Variants in MLKL observed in about 807,000 individuals in gnomAD.
MLKL encodes mixed lineage kinase domain like pseudokinase.
In MLKL, 55 loss-of-function variants were observed where a neutral mutation model predicts 56.5. The observed-to-expected ratio is 0.97, with a 90% CI of 0.78 to 1.22. The LOEUF (loss-of-function observed/expected upper bound fraction) is 1.22, where lower values mean the gene tolerates loss of function less well. Ranked by LOEUF, MLKL falls within the 50% of genes most tolerant of loss-of-function variation. The pLI, the probability that MLKL is intolerant of heterozygous loss-of-function variation, is 0.00. For missense variants in MLKL, 694 were observed against 573.9 expected (o/e 1.21, Z -2.14); for synonymous variants, 251 against 208.3 (o/e 1.20, Z -1.76).
chr16:74,685,469 C>T lies in MLKL; in HGVS notation c.820+17G>A, dbSNP rs1332347333. On this transcript the variant is annotated intron_variant, in intron 5 of 10. Coordinates refer to ENST00000308807, the MANE Select transcript of MLKL (RefSeq NM_152649.4). Reference sequence around the variant, plus strand: ...TAGGCCATCCAAAGCTTGACCAATCCTAGAAGCATTCCTTACCTGTTTCAT... The same window carrying T: ...TAGGCCATCCAAAGCTTGACCAATCTTAGAAGCATTCCTTACCTGTTTCAT... 6.2e-7 allele frequency: 1 copy of T among 1,602,198 alleles called. No individual in the cohort carries two copies. The highest frequency in any genetic ancestry group is 8.5e-7 in the Non-Finnish European group (1 of 1,169,700).
chr16:74,682,649 ACCGGT>A lies in MLKL; in HGVS notation c.953_956+1del. 6.2e-7 allele frequency: 1 copy of A among 1,613,886 alleles called. No individual in the cohort carries two copies. Among genetic ancestry groups the A allele is most frequent in the African/African-American group, 1.3e-5 (1 of 75,024 alleles). Reference sequence around the variant, plus strand: ...TAGTGGCGCCTTTTCACCCCGTCTTACCGGTATAGGCCTCGGGCTGCCCCCAGGAC... The same window carrying A: ...TAGTGGCGCCTTTTCACCCCGTCTTAATAGGCCTCGGGCTGCCCCCAGGAC... On this transcript the variant is annotated splice_donor_variant and coding_sequence_variant, in exon 6 of 11. Coordinates refer to ENST00000308807, the MANE Select transcript of MLKL (RefSeq NM_152649.4). LOFTEE classifies it high-confidence loss of function.
At position 74,686,907 on chromosome 16, in the gene MLKL, T is replaced by C. The variant is rs1421834564; in HGVS notation, c.723-1324A>G. Among the ~76,000 whole-genome samples the C allele has an allele frequency of 2.0e-5, 3 of 152,346 alleles. No homozygotes were observed. The East Asian group carries it at 5.8e-4, about 29-fold the overall frequency. On this transcript the variant is annotated intron_variant, in intron 4 of 10. Transcript: ENST00000308807. ...AGAGAATAAAATACTTAGGAATAAA[T>C]TTACAAAAGAAGTGCAAGTCTCACC...
At chr16:74,693,627 C>T (rs1208131072) in intron 2 of MLKL, among the ~76,000 whole-genome samples, 4 of 129,548 alleles carry the variant, frequency 3.1e-5, no homozygotes, top group South Asian at 4.9e-4. Flanking sequence ...TTTTTTGAGA[C>T]GGAATCTCTC....
At position 74,695,395 on chromosome 16, in the gene MLKL, G is replaced by C; in HGVS notation, c.363C>G (p.Arg121=). The change falls in exon 2 of 11, where the codon CGC becomes CGG. Residue 121 remains arginine, a synonymous_variant. Coordinates refer to ENST00000308807, the MANE Select transcript of MLKL (RefSeq NM_152649.4). Reference sequence around the variant, plus strand: ...CTTGGCTTATGGGTGAAACAGGCATGCGTTGCTCAACCTGAAGTAACAGCG... The same window carrying C: ...CTTGGCTTATGGGTGAAACAGGCATCCGTTGCTCAACCTGAAGTAACAGCG... ...ELSLLLQVEQ[R]MPVSPISQGA... The C allele has an allele frequency of 6.2e-7, 1 of 1,614,224 alleles. No individual in the cohort carries two copies. The highest frequency in any genetic ancestry group is 8.5e-7 in the Non-Finnish European group (1 of 1,180,038).
At chr16:74,689,511 C>G (rs967568752) in intron 4 of MLKL, among the ~76,000 whole-genome samples, 29 of 152,286 alleles carry the variant, frequency 1.9e-4, no homozygotes, top group African/African-American at 6.5e-4. Context: ...AAAATACAGT[C>G]TCAATGAAAA....
intron 5 of MLKL, among the ~76,000 whole-genome samples, chr16:74,683,840 C>T (rs921038435): frequency 3.3e-5 from 5 of 152,120 alleles, no homozygotes; most frequent in African/African-American, 9.7e-5. Flanking sequence ...GACAAGAAGT[C>T]GACTTCCCCA....
chr16:74,690,634 T>A (rs1429956590), intron 4 of MLKL, among the ~76,000 whole-genome samples: 1 of 151,672 alleles, frequency 6.6e-6, no homozygotes, highest in Non-Finnish European at 1.5e-5. Context: ...ATTTAAATAT[T>A]AGACAAGAAT....
chr16:74,673,474 T>C (rs781104571), intron 10 of MLKL, among the ~76,000 whole-genome samples: 4 of 152,134 alleles, frequency 2.6e-5, no homozygotes, highest in Non-Finnish European at 4.4e-5. Flanking sequence ...TGCCTCAGCC[T>C]CCCAAAGTGC....
chr16:74,682,568 C>T, intron 6 of MLKL, 83 bp downstream of exon 6: 1 of 1,558,144 alleles, frequency 6.4e-7, no homozygotes, highest in East Asian at 2.3e-5. Context: ...GGCGTCTGGC[C>T]TGTTCTCTCA....
intron 10 of MLKL, among the ~76,000 whole-genome samples, chr16:74,674,089 T>C (rs1279131897): frequency 2.0e-5 from 3 of 152,040 alleles, no homozygotes; most frequent in Non-Finnish European, 2.9e-5. Flanking sequence ...ACTATTGACA[T>C]TGGGGCTGCC....
intron 4 of MLKL, among the ~76,000 whole-genome samples, chr16:74,690,988 A>G (rs1337962846): frequency 6.6e-6 from 1 of 151,894 alleles, no homozygotes; most frequent in Non-Finnish European, 1.5e-5. Flanking sequence ...TACAAACAAA[A>G]CACACTAGAA....
At position 74,678,915 on chromosome 16, in the gene MLKL, T is replaced by A; in HGVS notation, c.1022A>T (p.Gln341Leu). The change falls in exon 7 of 11, where the codon CAA (glutamine) becomes CTA (leucine). Residue 341 changes from glutamine (Q) to leucine (L), a missense_variant. By Grantham distance (113) the Gln-to-Leu change is moderately radical. Transcript: ENST00000308807. ...CACACTCACCTTCACTTGGTAGCCT[T>A]GAGTTACCAGGAAGTTTGAGCTTCT... Reference protein sequence around the residue: ...KIRSSNFLVTQGYQVKLAGFE... With the variant: ...KIRSSNFLVTLGYQVKLAGFE... The A allele has an allele frequency of 6.2e-7, 1 of 1,612,558 alleles. No individual in the cohort carries two copies. Among genetic ancestry groups the A allele is most frequent in the Non-Finnish European group, 8.5e-7 (1 of 1,178,610 alleles).
rs752141168 is a variant in MLKL, at chr16:74,674,959, C to T, written c.1381+1G>A. On this transcript the variant is annotated splice_donor_variant, in intron 10 of 10. Transcript: ENST00000308807. LOFTEE classifies it high-confidence loss of function. ...GCTCTTTACACCAGAAAGAACCCTACCATCCACAGAGGGCCGCACAGAGGG... is the reference window on the plus strand; with the variant it reads ...GCTCTTTACACCAGAAAGAACCCTATCATCCACAGAGGGCCGCACAGAGGG... 1.2e-6 allele frequency: 2 copies of T among 1,612,890 alleles called. No homozygotes were observed. The highest frequency in any genetic ancestry group is 2.2e-5 in the East Asian group (1 of 44,878).
intron 1 of MLKL, among the ~76,000 whole-genome samples, chr16:74,698,690 C>G (rs528680258): frequency 1.4e-4 from 21 of 152,332 alleles, no homozygotes; most frequent in African/African-American, 4.8e-4. Context: ...CTCCAGTTAT[C>G]TTACCAGCAG....
In MLKL at chr16:74,697,497, T is replaced by C. The variant is rs570213906; in HGVS notation, c.-2-1738A>G. On this transcript the variant is annotated intron_variant, in intron 1 of 10. Coordinates refer to ENST00000308807, the MANE Select transcript of MLKL (RefSeq NM_152649.4). The stretch of plus-strand genomic sequence containing the variant: ...ATCTCTCAATTCACCTACTACATCC[T>C]AAGTGCTTTGGAACCCCCAGCTCTC... Among the ~76,000 whole-genome samples the C allele has an allele frequency of 3.3e-5, 5 of 152,314 alleles. No homozygotes were observed. The South Asian group carries it at 1.0e-3, about 32-fold the overall frequency.
chr16:74,681,816 A>G (rs80186348), intron 6 of MLKL, among the ~76,000 whole-genome samples: 8,197 of 152,164 alleles, frequency 0.054, 249 homozygotes, highest in Non-Finnish European at 0.065. Flanking sequence ...AAAGAAAAGA[A>G]AAAAACACAA....
chr16:74,691,213 C>A, intron 4 of MLKL, 64 bp downstream of exon 4: 1 of 1,452,172 alleles, frequency 6.9e-7, no homozygotes, highest in Non-Finnish European at 9.3e-7. Flanking sequence ...GACGATATCC[C>A]TCTCTCCTTG....
intron 6 of MLKL, among the ~76,000 whole-genome samples, chr16:74,679,602 G>C (rs1199630426): frequency 2.0e-5 from 3 of 152,176 alleles, no homozygotes; most frequent in Admixed American, 6.5e-5. Context: ...GAGGTCAGGA[G>C]TTTGAGACCA....
intron 6 of MLKL, among the ~76,000 whole-genome samples, chr16:74,680,788 A>C (rs2144482906): frequency 6.6e-6 from 1 of 152,272 alleles, no homozygotes; most frequent in East Asian, 1.9e-4. Context: ...TATAGACGTG[A>C]GCTACTGCGC....
Sources: gnomAD v4.1 joint callset for allele counts (sites outside exome capture counted in the v4.1 genomes callset) on GRCh38, gnomAD v4.1.1 for gene constraint, MANE v1.5 for transcripts, NCBI Gene and HGNC (gene_info 2026-07-23, HGNC 2026-07-21) for gene names.